Variants in ERFL observed in about 807,000 individuals in gnomAD.
The protein encoded by ERFL is ETS domain-containing transcription factor ERF-like.
Under a neutral mutation model 27.9 loss-of-function variants are expected in ERFL, and 8 were observed. That is an observed-to-expected ratio of 0.29 (90% CI 0.17 to 0.52). The LOEUF (loss-of-function observed/expected upper bound fraction) is 0.52. ERFL is among the 20% of genes least tolerant of loss of function. The probability of loss-of-function intolerance (pLI) is 0.97; values close to 1 mark genes in which losing one functional copy is unlikely to be tolerated. For synonymous variants in ERFL, 174 were observed against 202.8 expected (o/e 0.86, Z 1.21); for missense variants, 294 against 444.4 (o/e 0.66, Z 3.04).
chr19:41,926,012 T>C (rs1186306937), intron 1 of ERFL, among the ~76,000 whole-genome samples: 8 of 151,888 alleles, frequency 5.3e-5, no homozygotes, highest in Non-Finnish European at 1.0e-4. Context: ...GGTGACTCGG[T>C]ACTGCTTGAG....
rs1342765646 is a variant in ERFL, at chr19:41,916,494, ATCAAT to A, written c.-13-3567_-13-3563del. Among the ~76,000 whole-genome samples the A allele has an allele frequency of 4.0e-4, 61 of 152,232 alleles. No homozygotes were observed. Among genetic ancestry groups the A allele is most frequent in the Admixed American group, 7.2e-4 (11 of 15,294 alleles). On this transcript the variant is annotated intron_variant, in intron 1 of 5. Transcript: ENST00000597630. The surrounding 1 kb of genome is among the most constrained non-coding windows in gnomAD (Gnocchi z 5.4). ...TTTTACACAAATACACACATGACAC[ATCAAT>A]TCAATCTCACACAGAAACAAAGACA... is the stretch of plus-strand genomic sequence containing the variant.
chr19:41,909,339 G>C lies in ERFL; in HGVS notation c.435C>G (p.Leu145=). The change falls in exon 4 of 6, where the codon CTC becomes CTG. Residue 145 remains leucine (L), a synonymous_variant. Coordinates refer to ENST00000597630, the MANE Select transcript of ERFL (RefSeq NM_001365103.2). This position sits in a 1 kb window ranked among gnomAD's most constrained non-coding sequence, Gnocchi z 5.2. ...DMAAAATGSP[L]LLTPSPFGGA... ...CCCCAAAGGGACTGGGGGTCAGCAAGAGTGGGGAGCCAGTGGCAGCTGCCG... is the reference window on the plus strand; with the variant it reads ...CCCCAAAGGGACTGGGGGTCAGCAACAGTGGGGAGCCAGTGGCAGCTGCCG... 1 of 1,235,952 alleles carries C rather than the reference G, an allele frequency of 8.1e-7. No individual in the cohort carries two copies. The highest frequency in any genetic ancestry group is 1.0e-6 in the Non-Finnish European group (1 of 989,568). 76.6% of individuals were successfully genotyped at this position (1,235,952 alleles called of 1,614,324 possible).
At chr19:41,924,894 G>C (rs1385723584) in intron 1 of ERFL, among the ~76,000 whole-genome samples, 1 of 152,168 alleles carries the variant, frequency 6.6e-6, no homozygotes, top group African/African-American at 2.4e-5. Context: ...TCCTAAAGGT[G>C]TGGTGGTGAC....
In ERFL at chr19:41,908,586, G is replaced by A. The variant is rs562402863; in HGVS notation, c.707C>T (p.Thr236Met). Residue 236 changes from threonine (T) to methionine (M), a missense_variant, in exon 6 of 6, where the codon ACG (threonine) becomes ATG (methionine). Around this residue, in one of 3 missense-constraint regions of ERFL, gnomAD observed 246 missense variants for 371.4 expected, o/e 0.66. Coordinates refer to ENST00000597630, the MANE Select transcript of ERFL (RefSeq NM_001365103.2). The surrounding 1 kb of genome is among the most constrained non-coding windows in gnomAD (Gnocchi z 6.7). ...GGGAGGCAGCTTGGGGAAGGGGCCC[G>A]TGAGGTACGGGTTAAAGTTCCAGGG... ...EYPWNFNPYLTGPFPKLPPSL... is the reference protein window; with the variant it reads ...EYPWNFNPYLMGPFPKLPPSL... 6.5e-5 allele frequency: 80 copies of A among 1,231,816 alleles called. No individual in the cohort carries two copies. Among genetic ancestry groups the A allele is most frequent in the African/African-American group, 1.6e-4 (10 of 64,464 alleles). The allele number at this position is 1,231,816 out of a possible 1,614,324, so 76.3% of individuals were successfully genotyped here.
intron 1 of ERFL, among the ~76,000 whole-genome samples, chr19:41,925,309 G>A (rs2074865265): frequency 6.6e-6 from 1 of 152,056 alleles, no homozygotes; most frequent in African/African-American, 2.4e-5. Context: ...GAGAAACATG[G>A]GAAATTAGGT....
chr19:41,909,550 G>T lies in ERFL; in HGVS notation c.303-79C>A. 1 of 1,065,988 alleles carries T rather than the reference G, an allele frequency of 9.4e-7. No individual in the cohort carries two copies. The highest frequency in any genetic ancestry group is 1.2e-6 in the Non-Finnish European group (1 of 818,874). 66.0% of individuals were successfully genotyped at this position (1,065,988 alleles called of 1,614,324 possible). On this transcript the variant is annotated intron_variant, in intron 3 of 5. Coordinates refer to ENST00000597630, the MANE Select transcript of ERFL (RefSeq NM_001365103.2). This position sits in a 1 kb window ranked among gnomAD's most constrained non-coding sequence, Gnocchi z 5.2. ...TCTGGGGTTTCTTAATGCGTGTGCTGTCCCAGGCATGGTGCACAGAGCACT... is the reference window on the plus strand; with the variant it reads ...TCTGGGGTTTCTTAATGCGTGTGCTTTCCCAGGCATGGTGCACAGAGCACT...
intron 1 of ERFL, among the ~76,000 whole-genome samples, chr19:41,913,316 C>T (rs956595314): frequency 6.6e-6 from 1 of 151,382 alleles, no homozygotes; most frequent in African/African-American, 2.4e-5. Flanking sequence ...TGCCGTCTCC[C>T]GTCCCCGCTC....
At position 41,916,882 on chromosome 19, in the gene ERFL, A is replaced by G. The variant is rs2145896939; in HGVS notation, c.-13-3950T>C. Among the ~76,000 whole-genome samples the G allele has an allele frequency of 6.6e-6, 1 of 152,124 alleles. No homozygotes were observed. The highest frequency in any genetic ancestry group is 6.5e-5 in the Admixed American group (1 of 15,282). ...CAGAGGTACACACAGACACACCCAGACACACTGGGTAGGGGTGGGCACTCA... is the reference window on the plus strand; with the variant it reads ...CAGAGGTACACACAGACACACCCAGGCACACTGGGTAGGGGTGGGCACTCA... On this transcript the variant is annotated intron_variant, in intron 1 of 5. Transcript: ENST00000597630. The surrounding 1 kb of genome is among the most constrained non-coding windows in gnomAD (Gnocchi z 5.4).
intron 1 of ERFL, among the ~76,000 whole-genome samples, chr19:41,913,624 CCT>C (rs1668882647): frequency 6.6e-6 from 1 of 151,596 alleles, no homozygotes; most frequent in African/African-American, 2.4e-5. Flanking sequence ...CCTGAAGACC[CCT>C]GTCACTTGGA....
At chr19:41,911,390 A>G (rs1331544160) in intron 2 of ERFL, among the ~76,000 whole-genome samples, 1 of 152,234 alleles carries the variant, frequency 6.6e-6, no homozygotes, top group Non-Finnish European at 1.5e-5. Context: ...GCAGTGCAGG[A>G]GAGAGGAGAC....
At position 41,909,745 on chromosome 19, in the gene ERFL, G is replaced by A. The variant is rs567045922; in HGVS notation, c.302+118C>T. 1.1e-5 allele frequency: 13 copies of A among 1,167,436 alleles called. No individual in the cohort carries two copies. The highest frequency in any genetic ancestry group is 7.9e-5 in the South Asian group (5 of 62,964). The allele number at this position is 1,167,436 out of a possible 1,614,324, so 72.3% of individuals were successfully genotyped here. On this transcript the variant is annotated intron_variant, in intron 3 of 5. Coordinates refer to ENST00000597630, the MANE Select transcript of ERFL (RefSeq NM_001365103.2). The surrounding 1 kb of genome is among the most constrained non-coding windows in gnomAD (Gnocchi z 5.2). ...ACAAGTAGCGATGGTGGCTACTCAC[G>A]CACAGCCCTGTGCCTTGTGGGATCC...
intron 2 of ERFL, among the ~76,000 whole-genome samples, chr19:41,911,513 C>T (rs151138018): frequency 4.5e-4 from 69 of 152,310 alleles, no homozygotes; most frequent in African/African-American, 1.4e-3. Context: ...GGCAAGGGGG[C>T]GCAGGGTCCC....
rs1324502863 is a variant in ERFL at position 41,907,997 on chromosome 19, C to G, written c.*231G>C. On this transcript the variant is annotated 3_prime_UTR_variant, in exon 6 of 6. Transcript: ENST00000597630. ...GGAGTGGGGCCAGGCGGGGACCCCC[C>G]TCAAACTGGAGCCTGGGGAGGAGGC... is the stretch of plus-strand genomic sequence containing the variant. 4 of 408,196 alleles carry G rather than the reference C, an allele frequency of 9.8e-6. No homozygotes were observed. The highest frequency in any genetic ancestry group is 1.3e-5 in the Non-Finnish European group (3 of 236,742). The allele number at this position is 408,196 out of a possible 1,614,324, so 25.3% of individuals were successfully genotyped here. A position where few individuals can be genotyped will look rare whatever the true frequency, so the allele number is the denominator to read the frequency against.
Position 41,916,433 on chromosome 19 carries a change from C to T in ERFL, c.-13-3501G>A, listed in dbSNP as rs2074802180. Among the ~76,000 whole-genome samples, 1 of 151,870 alleles carries T rather than the reference C, an allele frequency of 6.6e-6. No individual in the cohort carries two copies. Among genetic ancestry groups the T allele is most frequent in the Non-Finnish European group, 1.5e-5 (1 of 67,978 alleles). ...CTGTCACAGTCACACACACACACAT[C>T]AGCATAGTCACAGATGCACAGAAAC... On this transcript the variant is annotated intron_variant, in intron 1 of 5. Transcript: ENST00000597630. This position sits in a 1 kb window ranked among gnomAD's most constrained non-coding sequence, Gnocchi z 5.4.
At chr19:41,911,021 C>T (rs782343780) in intron 2 of ERFL, among the ~76,000 whole-genome samples, 2 of 152,188 alleles carry the variant, frequency 1.3e-5, no homozygotes, top group Non-Finnish European at 2.9e-5. Flanking sequence ...AAAGAACACA[C>T]TGTACGATGG....
rs1177813012 is a variant in ERFL, at chr19:41,910,873, C to G, written c.68-776G>C. ...CCAAGGCTGACATGGCAGACACAGG[C>G]TGCGCAAGACTCAAGGTCACGTCAT... On this transcript the variant is annotated intron_variant, in intron 2 of 5. Transcript: ENST00000597630. The surrounding 1 kb of genome is among the most constrained non-coding windows in gnomAD (Gnocchi z 4.4). Among the ~76,000 whole-genome samples the G allele has an allele frequency of 6.6e-6, 1 of 152,196 alleles. No individual in the cohort carries two copies. The highest frequency in any genetic ancestry group is 1.5e-5 in the Non-Finnish European group (1 of 68,034).
intron 1 of ERFL, among the ~76,000 whole-genome samples, chr19:41,914,190 G>C (rs1261052813): frequency 6.7e-6 from 1 of 148,258 alleles, no homozygotes; most frequent in Non-Finnish European, 1.5e-5. Flanking sequence ...CTGCCTCCTG[G>C]AGCCTCCCCT....
chr19:41,924,205 G>A (rs1471131846), intron 1 of ERFL, among the ~76,000 whole-genome samples: 1 of 151,914 alleles, frequency 6.6e-6, no homozygotes, highest in Non-Finnish European at 1.5e-5. Flanking sequence ...AGGTGGATAG[G>A]TGTGTCTGTG....
intron 2 of ERFL, among the ~76,000 whole-genome samples, chr19:41,912,636 C>G (rs1246495222): frequency 2.6e-5 from 4 of 152,264 alleles, no homozygotes; most frequent in Non-Finnish European, 4.4e-5. Context: ...AGAAGACCCA[C>G]CTATCCCCCC....
Sources: gnomAD v4.1 joint callset for allele counts (sites outside exome capture counted in the v4.1 genomes callset) on GRCh38, gnomAD v4.1.1 for gene constraint, gnomAD v4.1.1 regional missense constraint, Gnocchi (gnomAD v3.1) non-coding constraint, MANE v1.5 for transcripts, NCBI Gene and HGNC (gene_info 2026-07-23, HGNC 2026-07-21) for gene names.